The following LOC128462377 variants were observed in gnomAD, a reference collection of about 807,000 sequenced individuals.
At chr16:89,380,233 C>T in the LOC128462377 span, among the ~76,000 whole-genome samples, 69 of 152,222 alleles carry the variant, frequency 4.5e-4, no homozygotes, top group Admixed American at 1.6e-3. Context: ...CTGTCTCTGC[C>T]CCCCGAGTAG....
At chr16:89,348,713 GCTGT>G in the LOC128462377 span, among the ~76,000 whole-genome samples, 7 of 152,200 alleles carry the variant, frequency 4.6e-5, no homozygotes, top group East Asian at 1.9e-4. Context: ...TTTCATCTCA[GCTGT>G]CTAATTTATT....
the LOC128462377 span, among the ~76,000 whole-genome samples, chr16:89,344,726 C>CGAGGGCACGGGAGCACAGCG: frequency 3.7e-4 from 57 of 152,022 alleles, no homozygotes; most frequent in South Asian, 8.3e-4. Flanking sequence ...CTCCCAAGCA[C>CGAGGGCACGGGAGCACAGCG]GAGGGCACGG....
chr16:89,395,366 G>A, the LOC128462377 span, among the ~76,000 whole-genome samples: 1 of 152,212 alleles, frequency 6.6e-6, no homozygotes, highest in African/African-American at 2.4e-5. Context: ...TTACATAAGA[G>A]CCCAGTCCTG....
the LOC128462377 span, among the ~76,000 whole-genome samples, chr16:89,346,377 A>T: frequency 6.6e-6 from 1 of 152,236 alleles, no homozygotes; most frequent in Admixed American, 6.5e-5. Flanking sequence ...TACAAGACAG[A>T]AGATCTGAAA....
chr16:89,361,481 T>G, the LOC128462377 span: 2 of 152,278 alleles, frequency 1.3e-5, no homozygotes, highest in Non-Finnish European at 2.9e-5. Context: ...CACCTGTTTA[T>G]GTTCCATACT....
the LOC128462377 span, among the ~76,000 whole-genome samples, chr16:89,390,127 G>A: frequency 3.0e-5 from 2 of 67,320 alleles, no homozygotes; most frequent in African/African-American, 2.0e-4. Flanking sequence ...CGAGTGTGGC[G>A]TGGAGCACAG....
At chr16:89,387,229 T>TA in the LOC128462377 span, among the ~76,000 whole-genome samples, 5,095 of 139,474 alleles carry the variant, frequency 0.037, 173 homozygotes, top group East Asian at 0.14. Context: ...AGTGCCAAGT[T>TA]AAAAAAAAAA....
the LOC128462377 span, among the ~76,000 whole-genome samples, chr16:89,394,117 A>G: frequency 6.6e-6 from 1 of 152,128 alleles, no homozygotes. Flanking sequence ...CCCAGGTTCC[A>G]GGCAGGCTTC....
At chr16:89,337,530 G>A in the LOC128462377 span, among the ~76,000 whole-genome samples, 2 of 127,152 alleles carry the variant, frequency 1.6e-5, no homozygotes, top group South Asian at 5.3e-4. Context: ...TCCGCCTCCC[G>A]GGTTCACGCC....
At chr16:89,382,847 G>A in the LOC128462377 span, among the ~76,000 whole-genome samples, 1 of 152,000 alleles carries the variant, frequency 6.6e-6, no homozygotes, top group South Asian at 2.1e-4. Context: ...TCCTTTGTTT[G>A]CCCATTTTTT....
chr16:89,386,722 T>A, the LOC128462377 span, among the ~76,000 whole-genome samples: 1 of 152,206 alleles, frequency 6.6e-6, no homozygotes, highest in Non-Finnish European at 1.5e-5. Flanking sequence ...TCAAGTTTTT[T>A]ATTAAAACCA....
chr16:89,319,081 C>T, the LOC128462377 span, among the ~76,000 whole-genome samples: 1 of 152,242 alleles, frequency 6.6e-6, no homozygotes, highest in Non-Finnish European at 1.5e-5. Context: ...CTGGAATTAA[C>T]ATTTTAAAAA....
the LOC128462377 span, among the ~76,000 whole-genome samples, chr16:89,387,962 G>A: frequency 1.1e-4 from 16 of 149,414 alleles, no homozygotes; most frequent in East Asian, 2.8e-3. Flanking sequence ...GCAGTGAGCC[G>A]AGATGGTGCC....
chr16:89,363,678 C>T, the LOC128462377 span, among the ~76,000 whole-genome samples: 2 of 152,156 alleles, frequency 1.3e-5, no homozygotes, highest in Non-Finnish European at 2.9e-5. Flanking sequence ...CGCTGCTTCC[C>T]GTGTATGTGG....
the LOC128462377 span, among the ~76,000 whole-genome samples, chr16:89,357,382 G>A: frequency 3.3e-5 from 5 of 152,150 alleles, no homozygotes; most frequent in African/African-American, 1.2e-4. Context: ...GGGCAGGTGA[G>A]CTTGTGGAGA....
At chr16:89,362,873 A>G in the LOC128462377 span, among the ~76,000 whole-genome samples, 1 of 151,982 alleles carries the variant, frequency 6.6e-6, no homozygotes, top group African/African-American at 2.4e-5. Flanking sequence ...CCTCTTTTAA[A>G]AAGTTCTAAG....
chr16:89,407,764 C>T, the LOC128462377 span, among the ~76,000 whole-genome samples: 2 of 149,944 alleles, frequency 1.3e-5, no homozygotes, highest in Non-Finnish European at 3.0e-5. Context: ...GCAGGAGGAT[C>T]GCTTGAGCCC....
the LOC128462377 span, among the ~76,000 whole-genome samples, chr16:89,407,703 A>C: frequency 1.3e-5 from 2 of 152,016 alleles, no homozygotes; most frequent in Non-Finnish European, 2.9e-5. Flanking sequence ...ACACAGAATT[A>C]GCCAGGCATT....
the LOC128462377 span, among the ~76,000 whole-genome samples, chr16:89,385,658 A>G: frequency 6.6e-6 from 1 of 152,252 alleles, no homozygotes. Flanking sequence ...CAAATGCTTT[A>G]AAGATTTCAA....
Sources: allele counts gnomAD v4.1 joint callset (sites outside exome capture counted in the v4.1 genomes callset), GRCh38; gene constraint gnomAD v4.1.1; transcripts MANE v1.5.